Variants in GPC6 observed in about 807,000 individuals in gnomAD.
GPC6 encodes the protein glypican 6.
Under a neutral mutation model 55.2 loss-of-function variants are expected in GPC6, and 14 were observed. That is an observed-to-expected ratio of 0.25 (90% CI 0.17 to 0.40). The LOEUF (loss-of-function observed/expected upper bound fraction) is 0.40, where lower values mean the gene tolerates loss of function less well. Among genes scored for constraint, GPC6 ranks in the 10% least tolerant of loss-of-function variants. The pLI, the probability that GPC6 is intolerant of heterozygous loss-of-function variation, is 1.00. For synonymous variants in GPC6, 278 were observed against 259.6 expected (o/e 1.07, Z -0.68); for missense variants, 641 against 708.5 (o/e 0.90, Z 1.08).
chr13:93,317,908 G>A (rs887693698), intron 1 of GPC6, among the ~76,000 whole-genome samples: 3 of 152,168 alleles, frequency 2.0e-5, no homozygotes, highest in African/African-American at 7.2e-5. Context: ...TTACAAAGGA[G>A]GGGAGGATAC....
At chr13:94,334,023 T>TG (rs1877557508) in intron 6 of GPC6, among the ~76,000 whole-genome samples, 1 of 152,180 alleles carries the variant, frequency 6.6e-6, no homozygotes, top group Admixed American at 6.5e-5. Context: ...CCTCTTTCTG[T>TG]TTTCTGATGC....
intron 4 of GPC6, among the ~76,000 whole-genome samples, chr13:94,104,144 G>A (rs1002702212): frequency 6.6e-6 from 1 of 152,038 alleles, no homozygotes; most frequent in Non-Finnish European, 1.5e-5. Flanking sequence ...ATAGGGAATT[G>A]TTTCCCCATT....
Position 93,413,440 on chromosome 13 carries a change from T to C in GPC6, c.161-131823T>C, listed in dbSNP as rs114165786. 4.7e-3 allele frequency among the ~76,000 whole-genome samples: 720 copies of C among 152,268 alleles called. 4 individuals carry two copies. The highest frequency in any genetic ancestry group is 0.017 in the African/African-American group (696 of 41,572). Reference sequence around the variant, plus strand: ...TACTACATGATATGAACTATATAACTGCGTGTGAGATTGCAGATCTACTGG... The same window carrying C: ...TACTACATGATATGAACTATATAACCGCGTGTGAGATTGCAGATCTACTGG... On this transcript the variant is annotated intron_variant, in intron 1 of 8. Transcript: ENST00000377047.
In GPC6 at chr13:94,177,935, T is replaced by C. The variant is rs372123586; in HGVS notation, c.878-108414T>C. Among the ~76,000 whole-genome samples, 10 of 152,134 alleles carry C rather than the reference T, an allele frequency of 6.6e-5. No individual in the cohort carries two copies. In the East Asian group the frequency reaches 1.9e-3, roughly 29 times the overall value. ...TTTTATATTCTATCTGTCCAAATTT[T>C]CATGTTTTTTTCTTCCAAATCTCTG... On this transcript the variant is annotated intron_variant, in intron 4 of 8. Coordinates refer to ENST00000377047, the MANE Select transcript of GPC6 (RefSeq NM_005708.5).
intron 2 of GPC6, among the ~76,000 whole-genome samples, chr13:93,676,381 C>T (rs1048809644): frequency 2.0e-5 from 3 of 151,432 alleles, no homozygotes; most frequent in African/African-American, 4.9e-5. Context: ...CACACCACTA[C>T]ACTCCAGCCT....
At chr13:94,018,352 C>A (rs990607747) in intron 3 of GPC6, among the ~76,000 whole-genome samples, 1 of 150,994 alleles carries the variant, frequency 6.6e-6, no homozygotes, top group African/African-American at 2.4e-5. Flanking sequence ...TGCAGTGGTG[C>A]GATCTCCGCT....
At position 93,874,055 on chromosome 13, in the gene GPC6, A is replaced by G. The variant is rs146953693; in HGVS notation, c.711+43510A>G. On this transcript the variant is annotated intron_variant, in intron 3 of 8. Coordinates refer to ENST00000377047, the MANE Select transcript of GPC6 (RefSeq NM_005708.5). ...ATGCATTGTCTGGCAGCCAGATTTT[A>G]AAAAGCTTTTATTATAGCTTCAGGG... 2.8e-3 allele frequency among the ~76,000 whole-genome samples: 433 copies of G among 152,012 alleles called. 5 individuals carry two copies. Among genetic ancestry groups the G allele is most frequent in the Non-Finnish European group, 2.7e-3 (183 of 67,932 alleles).
intron 2 of GPC6, among the ~76,000 whole-genome samples, chr13:93,617,361 A>T (rs1442143101): frequency 6.6e-6 from 1 of 152,148 alleles, no homozygotes; most frequent in Non-Finnish European, 1.5e-5. Flanking sequence ...TGCCTCATTC[A>T]TCTCTCTATT....
At chr13:93,445,398 T>C (rs1877964331) in intron 1 of GPC6, among the ~76,000 whole-genome samples, 1 of 152,158 alleles carries the variant, frequency 6.6e-6, no homozygotes, top group Non-Finnish European at 1.5e-5. Flanking sequence ...GTATGTGATG[T>C]CTGTATTAAA....
chr13:93,521,147 A>G (rs573549812), intron 1 of GPC6, among the ~76,000 whole-genome samples: 2 of 152,090 alleles, frequency 1.3e-5, no homozygotes, highest in African/African-American at 4.8e-5. Flanking sequence ...GTCTCTGAAA[A>G]CCATCACCTA....
intron 2 of GPC6, among the ~76,000 whole-genome samples, chr13:93,769,484 C>T (rs1566525958): frequency 1.3e-5 from 2 of 151,940 alleles, no homozygotes; most frequent in Middle Eastern, 3.4e-3. Context: ...AAGATGTGCG[C>T]AGAGTCTGGG....
intron 1 of GPC6, among the ~76,000 whole-genome samples, chr13:93,340,067 G>C (rs1880196716): frequency 9.8e-6 from 1 of 101,524 alleles, no homozygotes; most frequent in African/African-American, 3.8e-5. Context: ...ACGGAGTCTT[G>C]CTCGGTCACC....
At chr13:93,264,694 G>T (rs1007824664) in intron 1 of GPC6, among the ~76,000 whole-genome samples, 1 of 151,998 alleles carries the variant, frequency 6.6e-6, no homozygotes, top group Non-Finnish European at 1.5e-5. Flanking sequence ...CACCACACCT[G>T]GCTATCCTGT....
At chr13:93,912,542 G>C (rs565241027) in intron 3 of GPC6, among the ~76,000 whole-genome samples, 1 of 152,180 alleles carries the variant, frequency 6.6e-6, no homozygotes, top group Middle Eastern at 3.4e-3. Context: ...AGGAGATCGA[G>C]ACCATCCTGG....
At chr13:93,358,900 G>A (rs966615954) in intron 1 of GPC6, among the ~76,000 whole-genome samples, 3 of 152,038 alleles carry the variant, frequency 2.0e-5, no homozygotes, top group African/African-American at 4.8e-5. Context: ...ATTAATAGGG[G>A]AAAGTGTTTT....
At chr13:94,237,623 A>G (rs1447312843) in intron 4 of GPC6, among the ~76,000 whole-genome samples, 1 of 152,110 alleles carries the variant, frequency 6.6e-6, no homozygotes, top group Admixed American at 6.6e-5. Flanking sequence ...GAGGAACCAT[A>G]TGGTGCAGAG....
chr13:94,028,731 G>A (rs1184171835), intron 4 of GPC6, among the ~76,000 whole-genome samples: 1 of 152,192 alleles, frequency 6.6e-6, no homozygotes. Flanking sequence ...AGGCAGGGAG[G>A]TGGGGAGAAT....
chr13:93,561,182 G>A (rs1464831069), intron 2 of GPC6, among the ~76,000 whole-genome samples: 1 of 151,940 alleles, frequency 6.6e-6, no homozygotes, highest in Non-Finnish European at 1.5e-5. Flanking sequence ...CATATTGATA[G>A]ATAGCCAACA....
chr13:93,861,064 T>C (rs1484428904), intron 3 of GPC6, among the ~76,000 whole-genome samples: 1 of 151,432 alleles, frequency 6.6e-6, no homozygotes, highest in African/African-American at 2.4e-5. Context: ...AATACTACCT[T>C]ACAGGATCGT....
Sources: gnomAD v4.1 joint callset for allele counts (sites outside exome capture counted in the v4.1 genomes callset) on GRCh38, gnomAD v4.1.1 for gene constraint, MANE v1.5 for transcripts, NCBI Gene and HGNC (gene_info 2026-07-23, HGNC 2026-07-21) for gene names.